The following ZNF311 variants were observed in gnomAD, a reference collection of about 807,000 sequenced individuals.
ZNF311 encodes the protein zinc finger protein 311.
In ZNF311, 14 loss-of-function variants were observed where a neutral mutation model predicts 22.7. The ratio of observed to expected loss-of-function variants is 0.62; its 90% CI spans 0.41 to 0.96. The LOEUF (loss-of-function observed/expected upper bound fraction) is 0.96. ZNF311 is among the 40% of genes least tolerant of loss of function. The pLI, the probability that ZNF311 is intolerant of heterozygous loss-of-function variation, is 0.00. For synonymous variants in ZNF311, 250 were observed against 275.3 expected (o/e 0.91, Z 0.91); for missense variants, 731 against 799.0 (o/e 0.91, Z 1.03).
chr6:28,995,929 G>T lies in ZNF311; in HGVS notation c.1073C>A (p.Pro358His), dbSNP rs764159699. The T allele has an allele frequency of 4.3e-6, 7 of 1,613,900 alleles. No homozygotes were observed. Among genetic ancestry groups the T allele is most frequent in the Non-Finnish European group, 5.9e-6 (7 of 1,180,028 alleles). ...MHQLIHTGEK[P>H]YKCNCCGKAF... is the part of the protein sequence containing the mutation. ...CTTCCCACAGCAGTTACATTTGTAAGGCTTCTCCCCGGTGTGGATAAGCTG... is the reference window on the plus strand; with the variant it reads ...CTTCCCACAGCAGTTACATTTGTAATGCTTCTCCCCGGTGTGGATAAGCTG... The change falls in exon 7 of 7, where the codon CCT becomes CAT. Residue 358 changes from proline to histidine, a missense_variant. By Grantham distance (77) the Pro-to-His change is moderately conservative (BLOSUM62 -2). Transcript: ENST00000377179. The surrounding 1 kb of genome is among the most constrained non-coding windows in gnomAD (Gnocchi z 4.7).
Position 28,996,557 on chromosome 6 carries a change from C to T in ZNF311, c.445G>A (p.Glu149Lys), listed in dbSNP as rs142676085. The T allele has an allele frequency of 6.2e-7, 1 of 1,601,250 alleles. No homozygotes were observed. Among genetic ancestry groups the T allele is most frequent in the Non-Finnish European group, 8.5e-7 (1 of 1,179,000 alleles). The part of the protein sequence containing the change: ...VSADKMWPEN[E>K]KASSQQEIFE... ...ATCTCTTGTTGTGAACTTGCCTTTT[C>T]ATTCTCAGGCCACATCTTGTCAGCT... Residue 149 changes from glutamate (E) to lysine (K), a missense_variant, in exon 7 of 7, where the codon GAA becomes AAA. Glu to Lys is a moderately conservative substitution (Grantham distance 56). Coordinates refer to ENST00000377179, the MANE Select transcript of ZNF311 (RefSeq NM_001382360.1).
chr6:29,004,687 C>G (rs1780947610), intron 1 of ZNF311, among the ~76,000 whole-genome samples: 1 of 152,060 alleles, frequency 6.6e-6, no homozygotes, highest in Non-Finnish European at 1.5e-5. Context: ...TGAATGTGCC[C>G]GTGACTTCTA....
rs146260095 is a variant in ZNF311, at chr6:28,997,620, A to G, written c.416-1034T>C. On this transcript the variant is annotated intron_variant, in intron 6 of 6. Coordinates refer to ENST00000377179, the MANE Select transcript of ZNF311 (RefSeq NM_001382360.1). ...TGCTTCCAGATTATTCTCTCTGAAA[A>G]TCAAGTCTAATCATGTCACTTTTTA... Among the ~76,000 whole-genome samples, 100 of 152,258 alleles carry G rather than the reference A, an allele frequency of 6.6e-4. 2 individuals are homozygous for G. The highest frequency in any genetic ancestry group is 2.4e-3 in the African/African-American group (99 of 41,544).
chr6:28,999,084 GT>G (rs77858810), intron 5 of ZNF311, among the ~76,000 whole-genome samples: 178 of 141,280 alleles, frequency 1.3e-3, no homozygotes, highest in Middle Eastern at 3.7e-3. Flanking sequence ...GTGCTCTCCT[GT>G]TTTTTTTTTT....
intron 6 of ZNF311, among the ~76,000 whole-genome samples, chr6:28,997,848 A>T (rs1386218592): frequency 6.6e-6 from 1 of 152,200 alleles, no homozygotes; most frequent in African/African-American, 2.4e-5. Context: ...GAGTTAATGT[A>T]TGTAAAGCAC....
Position 28,996,244 on chromosome 6 carries a change from C to CCA in ZNF311, c.756_757dup (p.Gly253ValfsTer11). 1.2e-6 allele frequency: 2 copies of CCA among 1,613,214 alleles called. No individual in the cohort carries two copies. The highest frequency in any genetic ancestry group is 1.7e-6 in the Non-Finnish European group (2 of 1,180,030). On this transcript the variant is annotated frameshift_variant, in exon 7 of 7. Transcript: ENST00000377179. LOFTEE classifies it low-confidence loss of function (END_TRUNC). ...ATCTGAGTGCCAACTGAAGTTTTTG[C>CCA]CACACCTGGCACATTCATGGAGTTT...
intron 3 of ZNF311, among the ~76,000 whole-genome samples, chr6:29,000,754 A>G (rs1017125827): frequency 6.6e-6 from 1 of 151,668 alleles, no homozygotes; most frequent in East Asian, 1.9e-4. Flanking sequence ...GGTATAATCC[A>G]TATGATTGGG....
Position 28,995,002 on chromosome 6 carries a change from C to T in ZNF311, c.2000G>A (p.Ter667=). The stretch of plus-strand genomic sequence containing the variant: ...AAAGTAACACCAGAATCGTTATACT[C>T]AGGCACTGGTCAAAATACTGACTAC... ...TSVVSILTSA[*] The change falls in exon 7 of 7, where the codon TGA becomes TAA. Residue 667 remains the stop codon, a stop_retained_variant. Coordinates refer to ENST00000377179, the MANE Select transcript of ZNF311 (RefSeq NM_001382360.1). This position sits in a 1 kb window ranked among gnomAD's most constrained non-coding sequence, Gnocchi z 4.7. 2 of 1,599,682 alleles carry T rather than the reference C, an allele frequency of 1.3e-6. No homozygotes were observed. The highest frequency in any genetic ancestry group is 1.7e-4 in the Middle Eastern group (1 of 5,962).
intron 6 of ZNF311, 125 bp downstream of exon 6, chr6:28,998,609 C>T: frequency 1.6e-6 from 1 of 640,666 alleles, no homozygotes; most frequent in Non-Finnish European, 2.7e-6. Context: ...TTTTCTTTTC[C>T]TTAAGTTTCC....
In ZNF311 at chr6:28,995,785, A is replaced by G; in HGVS notation, c.1217T>C (p.Ile406Thr). Residue 406 changes from isoleucine (I) to threonine (T), a missense_variant, in exon 7 of 7, where the codon ATA (isoleucine) becomes ACA (threonine). Transcript: ENST00000377179. The surrounding 1 kb of genome is among the most constrained non-coding windows in gnomAD (Gnocchi z 4.7). ...AGGTCGTTCCCCAGTGTGGATTCTTATGTGTTTGGTGAGGTCTGAACTCCC... is the reference window on the plus strand; with the variant it reads ...AGGTCGTTCCCCAGTGTGGATTCTTGTGTGTTTGGTGAGGTCTGAACTCCC... ...FSGSSDLTKH[I>T]RIHTGERPYE... 6.2e-7 allele frequency: 1 copy of G among 1,612,978 alleles called. No individual in the cohort carries two copies.
At chr6:28,998,024 C>G (rs1053389817) in intron 6 of ZNF311, among the ~76,000 whole-genome samples, 3 of 152,164 alleles carry the variant, frequency 2.0e-5, no homozygotes, top group African/African-American at 4.8e-5. Flanking sequence ...CCCTGCTCTA[C>G]TCACACTGAA....
Position 29,003,551 on chromosome 6 carries a change from A to G in ZNF311, c.53T>C (p.Leu18Pro). Residue 18 changes from leucine to proline, a missense_variant, in exon 3 of 7, where the codon CTT becomes CCT. Coordinates refer to ENST00000377179, the MANE Select transcript of ZNF311 (RefSeq NM_001382360.1). Reference sequence around the variant, plus strand: ...GAGCTGGGTATCCTGGCGGGTCCAAAGCAGCTGGCTTGGTGGTCCTGAACT... The same window carrying G: ...GAGCTGGGTATCCTGGCGGGTCCAAGGCAGCTGGCTTGGTGGTCCTGAACT... ...DESSGPPSQLLWTRQDTQLPQ... is the reference protein window; with the variant it reads ...DESSGPPSQLPWTRQDTQLPQ... The G allele has an allele frequency of 1.9e-6, 3 of 1,613,032 alleles. No homozygotes were observed. The highest frequency in any genetic ancestry group is 2.5e-6 in the Non-Finnish European group (3 of 1,180,028).
chr6:28,997,893 G>A (rs927250196), intron 6 of ZNF311, among the ~76,000 whole-genome samples: 1 of 152,116 alleles, frequency 6.6e-6, no homozygotes, highest in Non-Finnish European at 1.5e-5. Flanking sequence ...AATATTAGCT[G>A]TTATTGTAAG....
At position 29,003,920 on chromosome 6, in the gene ZNF311, T is replaced by C. The variant is rs370026670; in HGVS notation, c.9+26A>G. 3.1e-6 allele frequency: 5 copies of C among 1,612,890 alleles called. No homozygotes were observed. The African/African-American group carries it at 6.7e-5, about 21-fold the overall frequency. ...CACTTCTCCTTCTTCCTCCTTGTGATGTATCACAGACCCTCCTCTTCTTAC... is the reference window on the plus strand; with the variant it reads ...CACTTCTCCTTCTTCCTCCTTGTGACGTATCACAGACCCTCCTCTTCTTAC... On this transcript the variant is annotated intron_variant, in intron 2 of 6. Transcript: ENST00000377179.
At chr6:28,998,637 TG>T in intron 6 of ZNF311, 96 bp downstream of exon 6, 1 of 797,488 alleles carries the variant, frequency 1.3e-6, no homozygotes, top group Non-Finnish European at 2.0e-6. Context: ...GTTTCCTTTC[TG>T]GGCCCTTCGA....
Position 28,998,815 on chromosome 6 carries a change from A to G in ZNF311, c.334T>C (p.Leu112=), listed in dbSNP as rs1383993701. ...ACTTCTCGCTCCAGATGAGAGATTAAAGGAGGTTTAGGAAATGGAAATCCT... is the reference window on the plus strand; with the variant it reads ...ACTTCTCGCTCCAGATGAGAGATTAGAGGAGGTTTAGGAAATGGAAATCCT... ...SLGFPFPKPP[L]ISHLEREVDP... The change falls in exon 6 of 7, where the codon TTA becomes CTA. Residue 112 remains leucine, a synonymous_variant. Coordinates refer to ENST00000377179, the MANE Select transcript of ZNF311 (RefSeq NM_001382360.1). The G allele has an allele frequency of 6.2e-7, 1 of 1,612,896 alleles. No individual in the cohort carries two copies. Among genetic ancestry groups the G allele is most frequent in the Non-Finnish European group, 8.5e-7 (1 of 1,180,000 alleles).
At position 28,996,545 on chromosome 6, in the gene ZNF311, A is replaced by C; in HGVS notation, c.457T>G (p.Ser153Ala). The change falls in exon 7 of 7, where the codon TCA becomes GCA. Residue 153 changes from serine to alanine, a missense_variant. Ser to Ala is a moderately conservative substitution (Grantham distance 99). Coordinates refer to ENST00000377179, the MANE Select transcript of ZNF311 (RefSeq NM_001382360.1). ...CCATTTTCAAAAATCTCTTGTTGTG[A>C]ACTTGCCTTTTCATTCTCAGGCCAC... ...KMWPENEKAS[S>A]QQEIFENGEA... The C allele has an allele frequency of 6.2e-7, 1 of 1,603,006 alleles. No individual in the cohort carries two copies. The highest frequency in any genetic ancestry group is 8.5e-7 in the Non-Finnish European group (1 of 1,179,318).
At position 28,995,539 on chromosome 6, in the gene ZNF311, G is replaced by A. The variant is rs1779376627; in HGVS notation, c.1463C>T (p.Ala488Val). The change falls in exon 7 of 7, where the codon GCT becomes GTT. Residue 488 changes from alanine (A) to valine (V), a missense_variant. By Grantham distance (64) the Ala-to-Val change is moderately conservative (BLOSUM62 0). Transcript: ENST00000377179. This position sits in a 1 kb window ranked among gnomAD's most constrained non-coding sequence, Gnocchi z 4.7. The part of the protein sequence containing the change: ...KAFRHNCKRR[A>V]HEREHTGEKP... ...CTCCCCTGTATGCTCTCGTTCATGAGCCCTGCGCTTACAGTTATGACGAAA... is the reference window on the plus strand; with the variant it reads ...CTCCCCTGTATGCTCTCGTTCATGAACCCTGCGCTTACAGTTATGACGAAA... 1 of 1,613,444 alleles carries A rather than the reference G, an allele frequency of 6.2e-7. No homozygotes were observed. Among genetic ancestry groups the A allele is most frequent in the African/African-American group, 1.3e-5 (1 of 74,768 alleles).
In ZNF311 at chr6:28,997,291, C is replaced by A. The variant is rs150539524; in HGVS notation, c.416-705G>T. Among the ~76,000 whole-genome samples, 7 of 152,244 alleles carry A rather than the reference C, an allele frequency of 4.6e-5. No individual in the cohort carries two copies. The East Asian group carries it at 1.4e-3, about 29-fold the overall frequency. ...TGCCTAGAAAGAAGAATGAAGCTGA[C>A]TCACAAAGAAGCAGGGAATACAGTT... is the stretch of plus-strand genomic sequence containing the variant. On this transcript the variant is annotated intron_variant, in intron 6 of 6. Coordinates refer to ENST00000377179, the MANE Select transcript of ZNF311 (RefSeq NM_001382360.1).
Sources: gnomAD v4.1 joint callset for allele counts (sites outside exome capture counted in the v4.1 genomes callset) on GRCh38, gnomAD v4.1.1 for gene constraint, Gnocchi (gnomAD v3.1) non-coding constraint, MANE v1.5 for transcripts, NCBI Gene and HGNC (gene_info 2026-07-23, HGNC 2026-07-21) for gene names.